The following ARHGAP19 variants were observed in gnomAD, a reference collection of about 807,000 sequenced individuals.
ARHGAP19 encodes the protein Rho GTPase activating protein 19, also known as rho GTPase-activating protein 19.
ARHGAP19 carries 48 observed loss-of-function variants against 60.9 expected under a neutral mutation model. That is an observed-to-expected ratio of 0.79 (90% confidence interval 0.62 to 1.00). The LOEUF is 1.00. Ranked by LOEUF, ARHGAP19 falls within the 50% of genes least tolerant of loss-of-function variation. ARHGAP19 has a pLI of 0.00. For missense variants in ARHGAP19, 562 were observed against 597.2 expected, an observed-to-expected ratio of 0.94 and a Z score of 0.61; for synonymous variants, 209 against 215.5, an observed-to-expected ratio of 0.97 and a Z score of 0.27.
chr10:97,254,156 T>C (rs918892018), intron 6 of ARHGAP19, among the ~76,000 whole-genome samples: 3 of 152,196 alleles, frequency 2.0e-5, no homozygotes, highest in African/African-American at 7.2e-5. Flanking sequence ...TGAGGTTTTT[T>C]GCAGCAAAGA....
intron 4 of ARHGAP19, among the ~76,000 whole-genome samples, chr10:97,262,533 C>T (rs1240796692): frequency 2.0e-5 from 3 of 152,010 alleles, no homozygotes; most frequent in Admixed American, 6.6e-5. Context: ...GGCGTGGTAG[C>T]GCGTGCCTGT....
chr10:97,279,952 G>C (rs1206350415), intron 1 of ARHGAP19, among the ~76,000 whole-genome samples: 3 of 152,184 alleles, frequency 2.0e-5, no homozygotes, highest in South Asian at 2.1e-4. Flanking sequence ...AGTCAAGAAT[G>C]ATGAGTATAA....
At chr10:97,248,163 C>T (rs1229251920) in intron 6 of ARHGAP19, among the ~76,000 whole-genome samples, 1 of 152,050 alleles carries the variant, frequency 6.6e-6, no homozygotes, top group African/African-American at 2.4e-5. Flanking sequence ...CGGGGTTTCA[C>T]CCCGCCTTTG....
intron 8 of ARHGAP19, among the ~76,000 whole-genome samples, chr10:97,238,283 C>T (rs1842413275): frequency 1.3e-5 from 2 of 152,126 alleles, no homozygotes; most frequent in South Asian, 4.1e-4. Context: ...CATAGCTCAC[C>T]GCAGCCCCAA....
At chr10:97,289,865 AAG>A (rs1376423113) in intron 1 of ARHGAP19, among the ~76,000 whole-genome samples, 165 of 151,704 alleles carry the variant, frequency 1.1e-3, no homozygotes, top group African/African-American at 3.8e-3. Context: ...AAAAAAAAAA[AAG>A]AAAGAAAGAA....
At chr10:97,246,896 G>T (rs1276117902) in intron 6 of ARHGAP19, among the ~76,000 whole-genome samples, 2 of 152,038 alleles carry the variant, frequency 1.3e-5, no homozygotes, top group East Asian at 3.9e-4. Context: ...CCAGCACTAT[G>T]GGAGGCCAAG....
chr10:97,237,224 ACG>A (rs1346134215), intron 8 of ARHGAP19, among the ~76,000 whole-genome samples: 4 of 123,576 alleles, frequency 3.2e-5, no homozygotes, highest in African/African-American at 8.6e-5. Context: ...GAGATCAATC[ACG>A]TCATTCCAGT....
chr10:97,239,188 C>A (rs775167941), intron 8 of ARHGAP19, among the ~76,000 whole-genome samples: 1 of 152,114 alleles, frequency 6.6e-6, no homozygotes, highest in Non-Finnish European at 1.5e-5. Context: ...TCAAGTGATA[C>A]GTGACTATAA....
intron 9 of ARHGAP19, among the ~76,000 whole-genome samples, chr10:97,232,267 G>A (rs779721749): frequency 6.9e-6 from 1 of 144,384 alleles, no homozygotes; most frequent in Admixed American, 7.3e-5. Flanking sequence ...GGGTTCAAAC[G>A]ATTCTCCTGC....
intron 7 of ARHGAP19, among the ~76,000 whole-genome samples, chr10:97,245,981 G>T (rs545436201): frequency 1.6e-4 from 24 of 152,132 alleles, no homozygotes; most frequent in African/African-American, 5.5e-4. Flanking sequence ...CCAGGCTGGA[G>T]TGCAGTGGCA....
At chr10:97,232,428 A>G (rs144853327) in intron 9 of ARHGAP19, among the ~76,000 whole-genome samples, 3,081 of 151,928 alleles carry the variant, frequency 0.02, 56 homozygotes, top group Non-Finnish European at 0.028. Flanking sequence ...CTCCCAAAGT[A>G]CTGGGATTAC....
At chr10:97,259,922 GC>G (rs1356911737) in intron 4 of ARHGAP19, among the ~76,000 whole-genome samples, 1 of 151,746 alleles carries the variant, frequency 6.6e-6, no homozygotes, top group Non-Finnish European at 1.5e-5. Flanking sequence ...TGCAACCTCC[GC>G]CTCCCGGGTT....
chr10:97,260,555 C>CA (rs1204576643), intron 4 of ARHGAP19, among the ~76,000 whole-genome samples: 1 of 151,562 alleles, frequency 6.6e-6, no homozygotes, highest in African/African-American at 2.4e-5. Flanking sequence ...CAAAACAAAA[C>CA]AAAAAACTAT....
chr10:97,241,668 G>C (rs189646647), intron 8 of ARHGAP19, among the ~76,000 whole-genome samples: 1 of 144,536 alleles, frequency 6.9e-6, no homozygotes, highest in South Asian at 2.2e-4. Flanking sequence ...AGCCGAGATC[G>C]CACCACTGCA....
intron 8 of ARHGAP19, among the ~76,000 whole-genome samples, chr10:97,236,664 G>A (rs566707991): frequency 5.4e-4 from 82 of 151,910 alleles, no homozygotes; most frequent in Middle Eastern, 3.4e-3. Context: ...AAAATTAGCC[G>A]GGCATGGTGG....
intron 1 of ARHGAP19, among the ~76,000 whole-genome samples, chr10:97,285,527 T>C (rs1427447436): frequency 6.8e-6 from 1 of 146,806 alleles, no homozygotes; most frequent in African/African-American, 2.5e-5. Flanking sequence ...TGCTTTTTTT[T>C]TTTTTTTTTT....
chr10:97,266,699 T>C (rs916558792), intron 1 of ARHGAP19, among the ~76,000 whole-genome samples: 2 of 152,086 alleles, frequency 1.3e-5, no homozygotes, highest in Non-Finnish European at 2.9e-5. Context: ...CTCACAATCA[T>C]GGCAGAAGGC....
chr10:97,280,181 CA>C (rs1843065489), intron 1 of ARHGAP19, among the ~76,000 whole-genome samples: 1 of 152,044 alleles, frequency 6.6e-6, no homozygotes, highest in African/African-American at 2.4e-5. Context: ...CCGAGGTGGA[CA>C]GATCATTTGA....
At chr10:97,255,655 C>T (rs1399095379) in intron 6 of ARHGAP19, among the ~76,000 whole-genome samples, 2 of 152,086 alleles carry the variant, frequency 1.3e-5, no homozygotes, top group African/African-American at 4.8e-5. Context: ...TGTGACTGTG[C>T]TACGTTTTGC....
Sources: gnomAD v4.1 joint callset for allele counts (sites outside exome capture counted in the v4.1 genomes callset) on GRCh38, gnomAD v4.1.1 for gene constraint, MANE v1.5 for transcripts, NCBI Gene and HGNC (gene_info 2026-07-23, HGNC 2026-07-21) for gene names.